MFSD6: variants seen among roughly 807,000 people sequenced by gnomAD.
The protein encoded by MFSD6 is major facilitator superfamily domain-containing protein 6.
MFSD6 carries 26 observed loss-of-function variants against 56.3 expected under a neutral mutation model. The ratio of observed to expected loss-of-function variants is 0.46; its 90% CI spans 0.34 to 0.64. The LOEUF (loss-of-function observed/expected upper bound fraction) is 0.64, where lower values mean the gene tolerates loss of function less well. MFSD6 is among the 30% of genes least tolerant of loss of function. The pLI is 0.01. For missense variants in MFSD6, 750 were observed against 986.2 expected (o/e 0.76, Z 3.21); for synonymous variants, 331 against 366.9 (o/e 0.90, Z 1.12).
At chr2:190,468,992 G>C (rs1687759245) in intron 3 of MFSD6, among the ~76,000 whole-genome samples, 1 of 152,110 alleles carries the variant, frequency 6.6e-6, no homozygotes, top group Admixed American at 6.6e-5. Context: ...ATCCAGTTCA[G>C]AACGAGAGAC....
rs879328445 is a variant in MFSD6, at chr2:190,462,349, T to C, written c.1533-7409T>C. Reference sequence around the variant, plus strand: ...ACCCAAGCGTCAGGGATTTTAAACATCCCACAGTGAATGGTGGATCCCACA... The same window carrying C: ...ACCCAAGCGTCAGGGATTTTAAACACCCCACAGTGAATGGTGGATCCCACA... On this transcript the variant is annotated intron_variant, in intron 3 of 7. Coordinates refer to ENST00000392328, the MANE Select transcript of MFSD6 (RefSeq NM_017694.4). The surrounding 1 kb of genome is among the most constrained non-coding windows in gnomAD (Gnocchi z 5.7). 6.6e-6 allele frequency among the ~76,000 whole-genome samples: 1 copy of C among 152,170 alleles called. No individual in the cohort carries two copies. The highest frequency in any genetic ancestry group is 1.5e-5 in the Non-Finnish European group (1 of 68,022).
Position 190,412,132 on chromosome 2 carries a change from A to G in MFSD6, c.-175-3160A>G, listed in dbSNP as rs1361201904. On this transcript the variant is annotated intron_variant, in intron 1 of 7. Coordinates refer to ENST00000392328, the MANE Select transcript of MFSD6 (RefSeq NM_017694.4). This position sits in a 1 kb window ranked among gnomAD's most constrained non-coding sequence, Gnocchi z 4.1. ...AAATACAGTCCCATAGTTCTATCCA[A>G]TTCTATGTAAAATTAACTAAAACCA... 7 of 983,858 alleles carry G rather than the reference A, an allele frequency of 7.1e-6. No individual in the cohort carries two copies. The highest frequency in any genetic ancestry group is 5.2e-4 in the Middle Eastern group (1 of 1,928). The allele number at this position is 983,858 out of a possible 1,614,324, so 60.9% of individuals were successfully genotyped here.
rs571211391 is a variant in MFSD6, at chr2:190,465,019, G to T, written c.1533-4739G>T. 4.6e-5 allele frequency: 28 copies of T among 610,152 alleles called. No individual in the cohort carries two copies. In the South Asian group the frequency reaches 1.5e-3, roughly 33 times the overall value. 37.8% of individuals were successfully genotyped at this position (610,152 alleles called of 1,614,324 possible). A position where few individuals can be genotyped will look rare whatever the true frequency, so the allele number is the denominator to read the frequency against. On this transcript the variant is annotated intron_variant, in intron 3 of 7. Coordinates refer to ENST00000392328, the MANE Select transcript of MFSD6 (RefSeq NM_017694.4). The surrounding 1 kb of genome is among the most constrained non-coding windows in gnomAD (Gnocchi z 4.6). Reference sequence around the variant, plus strand: ...ATTACAGAATGACTCATAATTCATTGTATCTATATCTTGAACACTCTTGAA... The same window carrying T: ...ATTACAGAATGACTCATAATTCATTTTATCTATATCTTGAACACTCTTGAA...
chr2:190,469,175 G>A lies in MFSD6; in HGVS notation c.1533-583G>A, dbSNP rs1687772125. 6.6e-6 allele frequency among the ~76,000 whole-genome samples: 1 copy of A among 152,158 alleles called. No homozygotes were observed. Among genetic ancestry groups the A allele is most frequent in the African/African-American group, 2.4e-5 (1 of 41,432 alleles). On this transcript the variant is annotated intron_variant, in intron 3 of 7. Coordinates refer to ENST00000392328, the MANE Select transcript of MFSD6 (RefSeq NM_017694.4). This position sits in a 1 kb window ranked among gnomAD's most constrained non-coding sequence, Gnocchi z 5.3. The stretch of plus-strand genomic sequence containing the variant: ...TTTAAAAGATGAACATGTATCCATT[G>A]AACTGATAGGAGAAACTATTTGATT...
intron 3 of MFSD6, among the ~76,000 whole-genome samples, chr2:190,441,387 C>T (rs1203947525): frequency 1.3e-5 from 2 of 150,578 alleles, no homozygotes; most frequent in Non-Finnish European, 2.9e-5. Context: ...GTTTTTACAG[C>T]TTCCTAGTTG....
rs1048487079 is a variant in MFSD6, at chr2:190,489,598, G to T, written c.1793-170G>T. ...ATATCAGCCCTGGGTCTCTTGACACGTACCCAGCCCTGTGTTTTTCCATTA... is the reference window on the plus strand; with the variant it reads ...ATATCAGCCCTGGGTCTCTTGACACTTACCCAGCCCTGTGTTTTTCCATTA... On this transcript the variant is annotated intron_variant, in intron 5 of 7. Coordinates refer to ENST00000392328, the MANE Select transcript of MFSD6 (RefSeq NM_017694.4). This position sits in a 1 kb window ranked among gnomAD's most constrained non-coding sequence, Gnocchi z 6.6. Among the ~76,000 whole-genome samples, 5 of 152,156 alleles carry T rather than the reference G, an allele frequency of 3.3e-5. No homozygotes were observed. Among genetic ancestry groups the T allele is most frequent in the African/African-American group, 1.2e-4 (5 of 41,436 alleles).
Position 190,460,903 on chromosome 2 carries a change from A to T in MFSD6, c.1533-8855A>T, listed in dbSNP as rs1446733353. 3.9e-5 allele frequency among the ~76,000 whole-genome samples: 6 copies of T among 152,344 alleles called. No homozygotes were observed. In the East Asian group the frequency reaches 1.2e-3, roughly 29 times the overall value. On this transcript the variant is annotated intron_variant, in intron 3 of 7. Transcript: ENST00000392328. ...TTCTTCATATCAGCAATTTTGATGC[A>T]GATGTTCCTACTGTGTTACGTAGAC...
chr2:190,417,734 C>T lies in MFSD6; in HGVS notation c.-54+2321C>T, dbSNP rs1690837253. On this transcript the variant is annotated intron_variant, in intron 2 of 7. Transcript: ENST00000392328. This position sits in a 1 kb window ranked among gnomAD's most constrained non-coding sequence, Gnocchi z 5.7. ...CGGATCCTCTGCTGCCTTTTCTTTC[C>T]TCTACCCTGGAATAGTTTTCCCACT... 6.6e-6 allele frequency among the ~76,000 whole-genome samples: 1 copy of T among 152,006 alleles called. No homozygotes were observed. Among genetic ancestry groups the T allele is most frequent in the Admixed American group, 6.6e-5 (1 of 15,260 alleles).
intron 4 of MFSD6, among the ~76,000 whole-genome samples, chr2:190,479,350 A>G (rs1477363743): frequency 6.6e-6 from 1 of 152,228 alleles, no homozygotes; most frequent in Non-Finnish European, 1.5e-5. Flanking sequence ...AGCAGAAAAC[A>G]TATTTCCTAC....
In MFSD6 at chr2:190,435,867, T is replaced by C. The variant is rs549948305; in HGVS notation, c.-53-110T>C. ...AGTGATAAATGATGAGAATTCTCTC[T>C]TGCAATTATTATTTTAGTTTGTAAC... On this transcript the variant is annotated intron_variant, in intron 2 of 7. Coordinates refer to ENST00000392328, the MANE Select transcript of MFSD6 (RefSeq NM_017694.4). 7.4e-6 allele frequency: 7 copies of C among 942,382 alleles called. No individual in the cohort carries two copies. In the Admixed American group the frequency reaches 1.8e-4, roughly 25 times the overall value. 58.4% of individuals were successfully genotyped at this position (942,382 alleles called of 1,614,324 possible).
chr2:190,414,683 T>C (rs1690703938), intron 1 of MFSD6, among the ~76,000 whole-genome samples: 2 of 152,208 alleles, frequency 1.3e-5, no homozygotes, highest in Non-Finnish European at 2.9e-5. Context: ...GACATCCTAA[T>C]TGTCACTCAA....
Position 190,489,676 on chromosome 2 carries a change from C to A in MFSD6, c.1793-92C>A. 1 of 1,216,556 alleles carries A rather than the reference C, an allele frequency of 8.2e-7. No individual in the cohort carries two copies. 75.4% of individuals were successfully genotyped at this position (1,216,556 alleles called of 1,614,324 possible). A position where few individuals can be genotyped will look rare whatever the true frequency, so the allele number is the denominator to read the frequency against. ...TCTGGTTTGTCTCAAGCTGTGCTTC[C>A]TTTGCTTTGATCTTTAGAAAACTGA... On this transcript the variant is annotated intron_variant, in intron 5 of 7. Coordinates refer to ENST00000392328, the MANE Select transcript of MFSD6 (RefSeq NM_017694.4). This position sits in a 1 kb window ranked among gnomAD's most constrained non-coding sequence, Gnocchi z 6.6.
chr2:190,486,358 AC>A (rs1689008471), intron 4 of MFSD6, among the ~76,000 whole-genome samples: 1 of 152,212 alleles, frequency 6.6e-6, no homozygotes, highest in Non-Finnish European at 1.5e-5. Context: ...TCTGCTGAAT[AC>A]GTTAGGGGAG....
rs1476018387 is a variant in MFSD6 at position 190,465,285 on chromosome 2, C to T, written c.1533-4473C>T. ...CTCTTTATAGATAACTTCAGTTTAC[C>T]AACCACCTGTTCTAAAATTGCCTTT... On this transcript the variant is annotated intron_variant, in intron 3 of 7. Transcript: ENST00000392328. This position sits in a 1 kb window ranked among gnomAD's most constrained non-coding sequence, Gnocchi z 4.6. 6.6e-6 allele frequency among the ~76,000 whole-genome samples: 1 copy of T among 152,122 alleles called. No individual in the cohort carries two copies. Among genetic ancestry groups the T allele is most frequent in the African/African-American group, 2.4e-5 (1 of 41,422 alleles).
At chr2:190,474,437 C>A (rs1688156447) in intron 4 of MFSD6, among the ~76,000 whole-genome samples, 1 of 152,168 alleles carries the variant, frequency 6.6e-6, no homozygotes, top group African/African-American at 2.4e-5. Context: ...ACTATAAACA[C>A]CTCTATGCAA....
rs966745635 is a variant in MFSD6 at position 190,447,221 on chromosome 2, A to G, written c.1532+9660A>G. On this transcript the variant is annotated intron_variant, in intron 3 of 7. Coordinates refer to ENST00000392328, the MANE Select transcript of MFSD6 (RefSeq NM_017694.4). The surrounding 1 kb of genome is among the most constrained non-coding windows in gnomAD (Gnocchi z 4.5). ...GGAGCTAATTAGAGCTTTTCTAATC[A>G]GAGAACACAAAGTTAGTGATTTCAA... Among the ~76,000 whole-genome samples the G allele has an allele frequency of 3.3e-5, 5 of 152,248 alleles. No homozygotes were observed. Among genetic ancestry groups the G allele is most frequent in the African/African-American group, 1.2e-4 (5 of 41,472 alleles).
intron 3 of MFSD6, chr2:190,442,543 C>G (rs1686418522): frequency 6.6e-6 from 1 of 151,922 alleles, no homozygotes; most frequent in African/African-American, 2.4e-5. Context: ...TAAAATAGTC[C>G]AAGTAAGAGA....
chr2:190,434,201 AAAAG>A lies in MFSD6; in HGVS notation c.-53-1772_-53-1769del, dbSNP rs1686099476. Among the ~76,000 whole-genome samples, 2 of 151,952 alleles carry A rather than the reference AAAAG, an allele frequency of 1.3e-5. No homozygotes were observed. The highest frequency in any genetic ancestry group is 4.2e-4 in the South Asian group (2 of 4,808). On this transcript the variant is annotated intron_variant, in intron 2 of 7. Transcript: ENST00000392328. This position sits in a 1 kb window ranked among gnomAD's most constrained non-coding sequence, Gnocchi z 4.3. ...GTCTCTCAAAAAAAAAAAAAGAAAAAAAAGAAAAGAAGGTGAAAGGAATTAACAC... is the reference window on the plus strand; with the variant it reads ...GTCTCTCAAAAAAAAAAAAAGAAAAAAAAAGAAGGTGAAAGGAATTAACAC...
In MFSD6 at chr2:190,415,136, G is replaced by C. The variant is rs1690723525; in HGVS notation, c.-175-156G>C. On this transcript the variant is annotated intron_variant, in intron 1 of 7. Coordinates refer to ENST00000392328, the MANE Select transcript of MFSD6 (RefSeq NM_017694.4). This position sits in a 1 kb window ranked among gnomAD's most constrained non-coding sequence, Gnocchi z 4.5. The stretch of plus-strand genomic sequence containing the variant: ...TTGCAATAAAAATCTTTACATTTAA[G>C]TCTTTGCTTTTCAGAAAGTTTATGT... 6.6e-6 allele frequency among the ~76,000 whole-genome samples: 1 copy of C among 152,074 alleles called. No homozygotes were observed. Among genetic ancestry groups the C allele is most frequent in the South Asian group, 2.1e-4 (1 of 4,828 alleles).
Sources: allele counts gnomAD v4.1 joint callset (sites outside exome capture counted in the v4.1 genomes callset), GRCh38; gene constraint gnomAD v4.1.1; non-coding constraint Gnocchi (gnomAD v3.1); transcripts MANE v1.5; gene names NCBI Gene and HGNC (gene_info 2026-07-23, HGNC 2026-07-21).